FRMD6: variants seen among roughly 807,000 people sequenced by gnomAD.
FRMD6 encodes the protein FERM domain containing 6, also known as FERM domain-containing protein 6.
FRMD6 carries 37 observed loss-of-function variants against 73.2 expected under a neutral mutation model. The ratio of observed to expected loss-of-function variants is 0.51; its 90% CI spans 0.39 to 0.66. The LOEUF is 0.66. FRMD6 is among the 30% of genes least tolerant of loss of function. The pLI is 0.00. For missense variants in FRMD6, 714 were observed against 780.5 expected (o/e 0.91, Z 1.02); for synonymous variants, 273 against 282.2 (o/e 0.97, Z 0.33).
At chr14:51,446,831 T>C in the FRMD6 span, among the ~76,000 whole-genome samples, 1 of 152,156 alleles carries the variant, frequency 6.6e-6, no homozygotes. Flanking sequence ...AGACTGAAGC[T>C]CTTTTCCTTG....
rs1319188854 is a variant in FRMD6 at position 51,728,842 on chromosome 14, A to T, written c.*813A>T. On this transcript the variant is annotated 3_prime_UTR_variant, in exon 14 of 14. Coordinates refer to ENST00000344768, the MANE Select transcript of FRMD6 (RefSeq NM_001267046.2). ...TCTTAGAAAACGTTGGTGCTTGGTG[A>T]TGCTTTATTTGTTTAATTATCAAGA... The T allele has an allele frequency of 1.3e-5, 2 of 152,416 alleles. No homozygotes were observed. The highest frequency in any genetic ancestry group is 2.9e-5 in the Non-Finnish European group (2 of 68,028). 9.4% of individuals were successfully genotyped at this position (152,416 alleles called of 1,614,324 possible).
chr14:51,421,071 G>T, the FRMD6 span, among the ~76,000 whole-genome samples: 1 of 152,056 alleles, frequency 6.6e-6, no homozygotes, highest in African/African-American at 2.4e-5. Context: ...CCACTGTGCC[G>T]GCTGTTTTTA....
chr14:51,623,682 C>T (rs781274779), intron 2 of FRMD6, among the ~76,000 whole-genome samples: 47 of 152,198 alleles, frequency 3.1e-4, no homozygotes, highest in Admixed American at 1.8e-3. Context: ...TCACCATTCA[C>T]GCCTTGTTCC....
rs138992723 is a variant in FRMD6, at chr14:51,545,673, A to T, written c.-209-24675A>T. 3.3e-5 allele frequency among the ~76,000 whole-genome samples: 5 copies of T among 152,250 alleles called. No individual in the cohort carries two copies. In the East Asian group the frequency reaches 9.6e-4, roughly 29 times the overall value. ...AGTTAGTTTATGTAAAGCGCTTTTC[A>T]TAGAGCTCCCCATAGACAAAGCATT... On this transcript the variant is annotated intron_variant, in intron 1 of 14. Coordinates refer to the FRMD6 transcript ENST00000356218.
intron 2 of FRMD6, among the ~76,000 whole-genome samples, chr14:51,598,641 CTTA>C (rs779408060): frequency 4.6e-5 from 7 of 152,196 alleles, no homozygotes; most frequent in Non-Finnish European, 1.0e-4. Flanking sequence ...TTAGCTCCCA[CTTA>C]TCAGTGAGAA....
At chr14:51,572,609 G>A (rs891112854) in intron 2 of FRMD6, among the ~76,000 whole-genome samples, 1 of 152,158 alleles carries the variant, frequency 6.6e-6, no homozygotes. Flanking sequence ...AGAGATTTCT[G>A]AGTTTGAATT....
intron 1 of FRMD6, among the ~76,000 whole-genome samples, chr14:51,564,281 G>T (rs1441675424): frequency 6.6e-5 from 10 of 152,196 alleles, no homozygotes; most frequent in Admixed American, 6.5e-4. Context: ...ATGCATTCGT[G>T]TTGCTGTCTT....
chr14:51,475,521 C>T, the FRMD6 span, among the ~76,000 whole-genome samples: 4 of 152,190 alleles, frequency 2.6e-5, no homozygotes, highest in Non-Finnish European at 5.9e-5. Flanking sequence ...CTTTTCCTCT[C>T]TACATACAGC....
rs549177621 is a variant in FRMD6 at position 51,590,490 on chromosome 14, C to A, written c.-147+20080C>A. Among the ~76,000 whole-genome samples the A allele has an allele frequency of 3.3e-5, 5 of 152,230 alleles. No individual in the cohort carries two copies. In the South Asian group the frequency reaches 1.0e-3, roughly 32 times the overall value. On this transcript the variant is annotated intron_variant, in intron 2 of 14. Transcript: ENST00000356218. ...TAAATTCACCCAGGAAAGTTAAACC[C>A]CTGACTCCCTAATAGCTGAAGGATC... is the stretch of plus-strand genomic sequence containing the variant.
chr14:51,463,659 G>A, the FRMD6 span, among the ~76,000 whole-genome samples: 3 of 152,202 alleles, frequency 2.0e-5, no homozygotes, highest in Non-Finnish European at 2.9e-5. Context: ...CAGTGAGCAC[G>A]CTACATGCAG....
At chr14:51,669,784 G>A (rs954058185) in intron 1 of FRMD6, among the ~76,000 whole-genome samples, 1 of 151,966 alleles carries the variant, frequency 6.6e-6, no homozygotes, top group Admixed American at 6.6e-5. Flanking sequence ...TTTTGAAAAT[G>A]TATTTTCTGT....
At chr14:51,480,265 G>A in the FRMD6 span, among the ~76,000 whole-genome samples, 1 of 152,166 alleles carries the variant, frequency 6.6e-6, no homozygotes, top group African/African-American at 2.4e-5. Flanking sequence ...CATTTTCTGA[G>A]CCTAACACAG....
At chr14:51,513,237 G>A (rs1884419278) in intron 1 of FRMD6, among the ~76,000 whole-genome samples, 1 of 152,136 alleles carries the variant, frequency 6.6e-6, no homozygotes, top group South Asian at 2.1e-4. Context: ...CCCACTCCTT[G>A]TTGATCCAAG....
At chr14:51,713,073 T>C (rs922359059) in intron 9 of FRMD6, among the ~76,000 whole-genome samples, 2 of 152,224 alleles carry the variant, frequency 1.3e-5, no homozygotes, top group African/African-American at 2.4e-5. Context: ...GTCTTGATTT[T>C]TCCCAAGTAT....
chr14:51,525,225 GC>G (rs1885183237), intron 1 of FRMD6, among the ~76,000 whole-genome samples: 1 of 151,628 alleles, frequency 6.6e-6, no homozygotes, highest in Admixed American at 6.6e-5. Flanking sequence ...GGAAAATGAA[GC>G]TCAGACTTGT....
intron 2 of FRMD6, among the ~76,000 whole-genome samples, chr14:51,697,529 C>A (rs1896029789): frequency 6.6e-6 from 1 of 151,960 alleles, no homozygotes; most frequent in African/African-American, 2.4e-5. Flanking sequence ...TAAAAAAATA[C>A]AATATTTCAG....
the FRMD6 span, among the ~76,000 whole-genome samples, chr14:51,468,617 G>A: frequency 6.6e-6 from 1 of 151,984 alleles, no homozygotes; most frequent in Admixed American, 6.5e-5. Context: ...ATACAATGTT[G>A]AATAGAAGAG....
Position 51,698,283 on chromosome 14 carries a change from A to G in FRMD6, c.190+51A>G, listed in dbSNP as rs377502742. 6.5e-6 allele frequency: 8 copies of G among 1,232,382 alleles called. No homozygotes were observed. The African/African-American group carries it at 1.0e-4, about 16-fold the overall frequency. The allele number at this position is 1,232,382 out of a possible 1,614,324, so 76.3% of individuals were successfully genotyped here. On this transcript the variant is annotated intron_variant, in intron 3 of 13. Coordinates refer to ENST00000344768, the MANE Select transcript of FRMD6 (RefSeq NM_001267046.2). Reference sequence around the variant, plus strand: ...GATTTAGCCAACTATCCCTGAGGAAATGACATCTTATAGCTATAACTTAAA... The same window carrying G: ...GATTTAGCCAACTATCCCTGAGGAAGTGACATCTTATAGCTATAACTTAAA...
chr14:51,681,346 C>T (rs1894782173), intron 1 of FRMD6, among the ~76,000 whole-genome samples: 1 of 152,150 alleles, frequency 6.6e-6, no homozygotes, highest in South Asian at 2.1e-4. Context: ...AGTGCTTCCA[C>T]TTGCTTTCCA....
Sources: allele counts gnomAD v4.1 joint callset (sites outside exome capture counted in the v4.1 genomes callset), GRCh38; gene constraint gnomAD v4.1.1; transcripts MANE v1.5; gene names NCBI Gene and HGNC (gene_info 2026-07-23, HGNC 2026-07-21).